Variants in TRIO observed in about 807,000 individuals in gnomAD.
TRIO encodes triple functional domain protein.
Under a neutral mutation model 351.9 loss-of-function variants are expected in TRIO, and 58 were observed. That is an observed-to-expected ratio of 0.16 (90% CI 0.13 to 0.21). The LOEUF is 0.21. TRIO is among the 10% of genes least tolerant of loss of function. The pLI is 1.00. For synonymous variants in TRIO, 1,758 were observed against 1,595.7 expected, an observed-to-expected ratio of 1.10 and a Z score of -2.42; for missense variants, 3,201 against 4,027.8, an observed-to-expected ratio of 0.79 and a Z score of 5.56.
intron 1 of TRIO, among the ~76,000 whole-genome samples, chr5:14,152,670 T>G (rs960399746): frequency 5.9e-5 from 9 of 152,204 alleles, no homozygotes; most frequent in African/African-American, 9.7e-5. Context: ...GCGTCCGTAT[T>G]TCACGCTTTT....
At chr5:14,367,043 C>A (rs918335655) in intron 16 of TRIO, 64 bp downstream of exon 16, 3 of 1,600,064 alleles carry the variant, frequency 1.9e-6, no homozygotes, top group East Asian at 4.5e-5. Context: ...ATCCTGAATC[C>A]CCCAACATGG....
At chr5:14,432,134 C>T (rs1278698975) in intron 34 of TRIO, among the ~76,000 whole-genome samples, 1 of 152,168 alleles carries the variant, frequency 6.6e-6, no homozygotes, top group Non-Finnish European at 1.5e-5. Flanking sequence ...TTGCCATTGC[C>T]AGCCACAGTG....
At chr5:14,489,848 TC>T (rs1187950498) in intron 48 of TRIO, among the ~76,000 whole-genome samples, 2 of 152,200 alleles carry the variant, frequency 1.3e-5, no homozygotes, top group African/African-American at 4.8e-5. Flanking sequence ...TTTCTCTCTT[TC>T]TCTTCCTACT....
At position 14,297,099 on chromosome 5, in the gene TRIO, A is replaced by T; in HGVS notation, c.1204A>T (p.Met402Leu). 6.2e-7 allele frequency: 1 copy of T among 1,613,662 alleles called. No homozygotes were observed. The highest frequency in any genetic ancestry group is 1.3e-5 in the African/African-American group (1 of 75,040). ...CGTGTATGTAAATATAAACCGCATC[A>T]TGTCGGTGGCCAATCGTCTGGTGGA... ...MNVYVNINRI[M>L]SVANRLVESG... Residue 402 changes from methionine (M) to leucine (L), a missense_variant, in exon 7 of 57, where the codon ATG becomes TTG. Transcript: ENST00000344204.
intron 23 of TRIO, 75 bp downstream of exon 23, chr5:14,387,922 T>G (rs1165276086): frequency 1.3e-6 from 2 of 1,498,870 alleles, no homozygotes; most frequent in South Asian, 1.2e-5. Context: ...GACATGCTTC[T>G]GTGTGTGCTT....
chr5:14,366,715 C>G (rs1744626315), intron 15 of TRIO, 145 bp from the exon 16 acceptor site: 2 of 1,223,618 alleles, frequency 1.6e-6, no homozygotes, highest in East Asian at 4.8e-5. Flanking sequence ...AGGCTGTTGC[C>G]TGGATTTTAG....
At chr5:14,468,153 G>GGTGGTCTGTGGC (rs398108632) in intron 37 of TRIO, among the ~76,000 whole-genome samples, 1 of 152,030 alleles carries the variant, frequency 6.6e-6, no homozygotes, top group East Asian at 1.9e-4. Context: ...CAAATGGAGA[G>GGTGGTCTGTGGC]GTGGTCTGTG....
At chr5:14,338,262 T>G (rs950657718) in intron 11 of TRIO, among the ~76,000 whole-genome samples, 6 of 152,144 alleles carry the variant, frequency 3.9e-5, no homozygotes, top group African/African-American at 1.4e-4. Context: ...TACCAGTGGT[T>G]CTTCTTGTAT....
chr5:14,436,778 T>C (rs899105501), intron 34 of TRIO, among the ~76,000 whole-genome samples: 5 of 152,218 alleles, frequency 3.3e-5, no homozygotes, highest in African/African-American at 1.2e-4. Flanking sequence ...TTTGACTCCA[T>C]GTCTCACATC....
chr5:14,146,511 G>GA (rs1787532967), intron 1 of TRIO, among the ~76,000 whole-genome samples: 1 of 152,112 alleles, frequency 6.6e-6, no homozygotes, highest in Non-Finnish European at 1.5e-5. Flanking sequence ...GCCACAGATT[G>GA]AAAACTAATA....
chr5:14,185,976 G>A (rs559439926), intron 1 of TRIO, among the ~76,000 whole-genome samples: 2 of 152,298 alleles, frequency 1.3e-5, no homozygotes, highest in South Asian at 2.1e-4. Context: ...CCTAGTAAAT[G>A]TTTTCAGAAT....
At chr5:14,192,950 A>G (rs1018314421) in intron 1 of TRIO, among the ~76,000 whole-genome samples, 1 of 152,240 alleles carries the variant, frequency 6.6e-6, no homozygotes, top group South Asian at 2.1e-4. Context: ...CATATATGGC[A>G]TTGTTCTTAA....
At chr5:14,221,545 T>C (rs1561218172) in intron 1 of TRIO, among the ~76,000 whole-genome samples, 1 of 152,182 alleles carries the variant, frequency 6.6e-6, no homozygotes. Flanking sequence ...CAAAATAGCA[T>C]AAACAGGAGT....
intron 30 of TRIO, chr5:14,399,358 G>A (rs981161556): frequency 2.5e-5 from 11 of 438,380 alleles, no homozygotes; most frequent in Non-Finnish European, 4.0e-5. Context: ...ATTTATCTCC[G>A]GTGTGCTTAA....
intron 9 of TRIO, among the ~76,000 whole-genome samples, chr5:14,323,126 C>T (rs1008374594): frequency 1.4e-4 from 21 of 152,180 alleles, no homozygotes; most frequent in African/African-American, 3.9e-4. Context: ...AATGTCAGTC[C>T]GTGGTGAATG....
intron 20 of TRIO, among the ~76,000 whole-genome samples, chr5:14,378,599 G>A (rs1389609279): frequency 6.9e-6 from 1 of 145,640 alleles, no homozygotes; most frequent in Non-Finnish European, 1.5e-5. Flanking sequence ...TGCTCTTGTT[G>A]TCCAGGCTGG....
At position 14,346,934 on chromosome 5, in the gene TRIO, C is replaced by T. The variant is rs376706942; in HGVS notation, c.2046+10207C>T. ...ATAGTAAGACAGTCCTCATACCCCA[C>T]AGGTCAGTAAGGAAGTCACGTCCAG... On this transcript the variant is annotated intron_variant, in intron 11 of 56. Transcript: ENST00000344204. 2.0e-4 allele frequency among the ~76,000 whole-genome samples: 30 copies of T among 152,374 alleles called. No individual in the cohort carries two copies. The East Asian group carries it at 5.8e-3, about 29-fold the overall frequency.
chr5:14,440,805 G>C (rs1047092378), intron 34 of TRIO: 1 of 152,202 alleles, frequency 6.6e-6, no homozygotes, highest in African/African-American at 2.4e-5. Flanking sequence ...AAGCCATTCA[G>C]AACGGCCTGC....
chr5:14,182,870 CCCT>C (rs201773547), intron 1 of TRIO, among the ~76,000 whole-genome samples: 8,272 of 80,772 alleles, frequency 0.1, 286 homozygotes, highest in African/African-American at 0.11. Context: ...AGACCCCCCC[CCCT>C]CCACTTTGCC....
Sources: allele counts gnomAD v4.1 joint callset (sites outside exome capture counted in the v4.1 genomes callset), GRCh38; gene constraint gnomAD v4.1.1; transcripts MANE v1.5; gene names NCBI Gene and HGNC (gene_info 2026-07-23, HGNC 2026-07-21).